Variants in SH2D4A observed in about 807,000 individuals in gnomAD.
The protein encoded by SH2D4A is SH2 domain-containing protein 4A.
Under a neutral mutation model 64.7 loss-of-function variants are expected in SH2D4A, and 70 were observed. The observed-to-expected ratio is 1.08, with a 90% confidence interval of 0.89 to 1.32. The LOEUF (loss-of-function observed/expected upper bound fraction) is 1.32. Among genes scored for constraint, SH2D4A ranks in the 40% most tolerant of loss-of-function variants. The pLI, the probability that SH2D4A is intolerant of heterozygous loss-of-function variation, is 0.00. For missense variants in SH2D4A, 706 were observed against 540.1 expected (o/e 1.31, Z -3.04); for synonymous variants, 268 against 200.7 (o/e 1.34, Z -2.83).
At chr8:19,390,387 A>G (rs1041800973) in intron 8 of SH2D4A, among the ~76,000 whole-genome samples, 4 of 152,150 alleles carry the variant, frequency 2.6e-5, no homozygotes, top group Non-Finnish European at 5.9e-5. Flanking sequence ...AAAACGTGGA[A>G]TAAGTCCTCA....
At chr8:19,392,440 C>G (rs992366395) in intron 8 of SH2D4A, among the ~76,000 whole-genome samples, 20 of 152,088 alleles carry the variant, frequency 1.3e-4, no homozygotes, top group African/African-American at 4.8e-4. Flanking sequence ...GTCTCATAGG[C>G]TGTTTAGCAA....
intron 1 of SH2D4A, among the ~76,000 whole-genome samples, chr8:19,318,402 T>C (rs2052126857): frequency 6.6e-6 from 1 of 152,172 alleles, no homozygotes; most frequent in Non-Finnish European, 1.5e-5. Flanking sequence ...TATGACAGTG[T>C]GGTAATATTT....
intron 1 of SH2D4A, among the ~76,000 whole-genome samples, chr8:19,315,212 T>G (rs916185785): frequency 1.3e-5 from 2 of 152,164 alleles, no homozygotes; most frequent in African/African-American, 2.4e-5. Flanking sequence ...CTCGGCTCAC[T>G]GTAGCCTCAA....
chr8:19,322,733 A>T (rs746725982), intron 2 of SH2D4A, among the ~76,000 whole-genome samples: 1 of 148,758 alleles, frequency 6.7e-6, no homozygotes, highest in Non-Finnish European at 1.5e-5. Context: ...CAGTGGTGTG[A>T]CATTTCAACT....
intron 8 of SH2D4A, among the ~76,000 whole-genome samples, chr8:19,380,143 C>G (rs148526774): frequency 6.6e-6 from 1 of 152,192 alleles, no homozygotes; most frequent in East Asian, 1.9e-4. Flanking sequence ...TGTTGAGCAC[C>G]TTTTCATTTG....
intron 2 of SH2D4A, among the ~76,000 whole-genome samples, chr8:19,331,414 C>T (rs1264044363): frequency 1.3e-5 from 2 of 152,278 alleles, no homozygotes; most frequent in South Asian, 4.1e-4. Flanking sequence ...CACCTTTGGC[C>T]CACAGTTGCC....
intron 4 of SH2D4A, among the ~76,000 whole-genome samples, chr8:19,351,928 C>T (rs888010308): frequency 2.6e-5 from 4 of 152,074 alleles, no homozygotes; most frequent in Non-Finnish European, 5.9e-5. Flanking sequence ...CGATTACAGG[C>T]ACCCACCATC....
intron 4 of SH2D4A, among the ~76,000 whole-genome samples, chr8:19,354,490 G>A (rs1223422814): frequency 2.0e-5 from 3 of 152,162 alleles, no homozygotes; most frequent in Non-Finnish European, 4.4e-5. Flanking sequence ...ACACTGTCTG[G>A]AGTACGTGTC....
chr8:19,361,364 T>G (rs2052884914), intron 6 of SH2D4A, 50 bp downstream of exon 6: 1 of 1,536,924 alleles, frequency 6.5e-7, no homozygotes, highest in Non-Finnish European at 8.7e-7. Context: ...CAGCTGATTC[T>G]CTCCCTTAAT....
intron 2 of SH2D4A, among the ~76,000 whole-genome samples, chr8:19,323,266 G>C (rs1451662506): frequency 6.6e-6 from 1 of 151,900 alleles, no homozygotes; most frequent in African/African-American, 2.4e-5. Context: ...TCAAAGACTT[G>C]GTAGAAGGAA....
intron 4 of SH2D4A, among the ~76,000 whole-genome samples, chr8:19,342,176 T>C (rs1338955919): frequency 4.6e-5 from 7 of 152,216 alleles, no homozygotes; most frequent in Non-Finnish European, 1.0e-4. Context: ...TTCAGTCTTA[T>C]ACACATCAGG....
intron 3 of SH2D4A, among the ~76,000 whole-genome samples, chr8:19,334,146 C>T (rs2117210785): frequency 6.6e-6 from 1 of 152,114 alleles, no homozygotes; most frequent in South Asian, 2.1e-4. Context: ...GACAGCCTTA[C>T]CCTGAGGTGG....
At chr8:19,356,056 T>C (rs1456414941) in intron 4 of SH2D4A, among the ~76,000 whole-genome samples, 1 of 152,216 alleles carries the variant, frequency 6.6e-6, no homozygotes, top group Non-Finnish European at 1.5e-5. Flanking sequence ...GTATCTGCTA[T>C]CTTTGGTAGT....
intron 5 of SH2D4A, among the ~76,000 whole-genome samples, chr8:19,359,702 A>G (rs2052848565): frequency 6.6e-6 from 1 of 152,272 alleles, no homozygotes; most frequent in Admixed American, 6.5e-5. Flanking sequence ...TAAGGAAAAA[A>G]AAATGAAAAC....
At chr8:19,378,813 A>C (rs1037985460) in intron 8 of SH2D4A, among the ~76,000 whole-genome samples, 5 of 151,602 alleles carry the variant, frequency 3.3e-5, no homozygotes, top group Non-Finnish European at 4.4e-5. Context: ...TGGGAGGCCA[A>C]GGAAGGCGGA....
chr8:19,353,674 GT>G (rs55989081), intron 4 of SH2D4A, among the ~76,000 whole-genome samples: 1,966 of 105,160 alleles, frequency 0.019, 30 homozygotes, highest in African/African-American at 0.048. Flanking sequence ...GCCTCTAGCT[GT>G]TTTTTTTTTT....
intron 2 of SH2D4A, among the ~76,000 whole-genome samples, chr8:19,330,874 G>A (rs1319885880): frequency 6.6e-6 from 1 of 152,188 alleles, no homozygotes; most frequent in African/African-American, 2.4e-5. Context: ...AGTTTTATGA[G>A]GTATGACAGC....
chr8:19,385,008 C>T (rs1383662199), intron 8 of SH2D4A, among the ~76,000 whole-genome samples: 1 of 152,142 alleles, frequency 6.6e-6, no homozygotes, highest in Non-Finnish European at 1.5e-5. Context: ...AACACTCTTA[C>T]TCAAATGTGG....
At chr8:19,343,557 CTGGAAAT>C (rs2052562434) in intron 4 of SH2D4A, among the ~76,000 whole-genome samples, 1 of 152,052 alleles carries the variant, frequency 6.6e-6, no homozygotes, top group Non-Finnish European at 1.5e-5. Flanking sequence ...TCTTTGAAAA[CTGGAAAT>C]CCCAGTACAA....
Sources: gnomAD v4.1 joint callset for allele counts (sites outside exome capture counted in the v4.1 genomes callset) on GRCh38, gnomAD v4.1.1 for gene constraint, MANE v1.5 for transcripts, NCBI Gene and HGNC (gene_info 2026-07-23, HGNC 2026-07-21) for gene names.